PAH: variants seen among roughly 807,000 people sequenced by gnomAD.
The protein encoded by PAH is phenylalanine-4-hydroxylase.
In PAH, 64 loss-of-function variants were observed where a neutral mutation model predicts 62.0. The observed-to-expected ratio is 1.03, with a 90% CI of 0.84 to 1.27. The LOEUF (loss-of-function observed/expected upper bound fraction) is 1.27, where lower values mean the gene tolerates loss of function less well. Among genes scored for constraint, PAH ranks in the 50% most tolerant of loss-of-function variants. The pLI is 0.00. For missense variants in PAH, 579 were observed against 542.8 expected, an observed-to-expected ratio of 1.07 and a Z score of -0.66; for synonymous variants, 195 against 196.2, an observed-to-expected ratio of 0.99 and a Z score of 0.05.
At chr12:102,930,234 A>G (rs189883434) in intron 1 of PAH, among the ~76,000 whole-genome samples, 93 of 152,300 alleles carry the variant, frequency 6.1e-4, no homozygotes, top group Admixed American at 2.2e-3. Context: ...GTATGTGTTT[A>G]CCACCTACTC....
At chr12:102,944,792 AGAT>A in intron 1 of PAH, among the ~76,000 whole-genome samples, 1 of 152,272 alleles carries the variant, frequency 6.6e-6, no homozygotes, top group East Asian at 1.9e-4. Context: ...GTGTTTTTCT[AGAT>A]GATCTTGATA....
chr12:102,865,226 A>AACCCAGCAACCC (rs1875906593), intron 5 of PAH, among the ~76,000 whole-genome samples: 1 of 152,126 alleles, frequency 6.6e-6, no homozygotes, highest in African/African-American at 2.4e-5. Flanking sequence ...AGCAACCCAG[A>AACCCAGCAACCC]AGTAAGTGAA....
intron 9 of PAH, among the ~76,000 whole-genome samples, chr12:102,846,504 T>G (rs1874850240): frequency 6.6e-6 from 1 of 152,162 alleles, no homozygotes; most frequent in African/African-American, 2.4e-5. Context: ...CATTTCTCCC[T>G]CATGTCTGAG....
At chr12:102,923,132 T>C (rs1219886213) in intron 1 of PAH, among the ~76,000 whole-genome samples, 1 of 152,158 alleles carries the variant, frequency 6.6e-6, no homozygotes, top group Non-Finnish European at 1.5e-5. Flanking sequence ...AATCAAGAGG[T>C]CTGCTGAGTC....
At position 102,855,295 on chromosome 12, in the gene PAH, C is replaced by T. The variant is rs199475664; in HGVS notation, c.547G>A (p.Glu183Lys). 1 of 1,614,110 alleles carries T rather than the reference C, an allele frequency of 6.2e-7. No individual in the cohort carries two copies. Among genetic ancestry groups the T allele is most frequent in the East Asian group, 2.2e-5 (1 of 44,872 alleles). The change falls in exon 6 of 13, where the codon GAA becomes AAA. Residue 183 changes from glutamate to lysine, a missense_variant. Glu to Lys is a moderately conservative substitution (Grantham distance 56, BLOSUM62 1). Transcript: ENST00000553106. ...PIPRVEYMEE[E>K]KKTWGTVFKT... is the part of the protein sequence containing the mutation. ...AACACTGTGCCCCATGTTTTCTTTT[C>T]TTCCTCCATGTATTCCACTCGAGGG...
At chr12:102,897,741 C>T (rs1295078186) in intron 2 of PAH, among the ~76,000 whole-genome samples, 1 of 152,086 alleles carries the variant, frequency 6.6e-6, no homozygotes, top group Non-Finnish European at 1.5e-5. Context: ...CCTTGGACTC[C>T]TCTGGATTAC....
chr12:102,915,309 G>C (rs1878341667), intron 1 of PAH: 1 of 152,150 alleles, frequency 6.6e-6, no homozygotes, highest in African/African-American at 2.4e-5. Flanking sequence ...CACAGAAATT[G>C]ATTTGTCCTT....
At chr12:102,844,491 T>G in intron 9 of PAH, 60 bp from the exon 10 acceptor site, 2 of 1,102,126 alleles carry the variant, frequency 1.8e-6, no homozygotes, top group Non-Finnish European at 2.8e-6. Context: ...TGTGTCACCT[T>G]GACTGGATGA....
intron 5 of PAH, among the ~76,000 whole-genome samples, chr12:102,862,238 A>G (rs1160496289): frequency 6.6e-6 from 1 of 152,204 alleles, no homozygotes; most frequent in African/African-American, 2.4e-5. Context: ...AAATGACATC[A>G]TGTCCTTTGC....
rs869088873 is a variant in PAH at position 102,882,642 on chromosome 12, CTATATA to C, written c.353-5098_353-5093del. Among the ~76,000 whole-genome samples the C allele has an allele frequency of 1.0e-3, 87 of 85,864 alleles. 1 individual carries two copies. Among genetic ancestry groups the C allele is most frequent in the Middle Eastern group, 0.011 (2 of 184 alleles). The allele number at this position is 85,864 out of a possible 152,430, so 56.3% of individuals were successfully genotyped here. Reference sequence around the variant, plus strand: ...CTGTATATATATGCATATATATACACTATATATATATATATATATATATATATATAT... The same window carrying C: ...CTGTATATATATGCATATATATACACTATATATATATATATATATATATAT... On this transcript the variant is annotated intron_variant, in intron 3 of 12. Transcript: ENST00000553106.
At chr12:102,932,836 G>A (rs533894429) in intron 1 of PAH, among the ~76,000 whole-genome samples, 1 of 152,138 alleles carries the variant, frequency 6.6e-6, no homozygotes, top group Non-Finnish European at 1.5e-5. Context: ...TTGTGAGTAT[G>A]TAGTAGGTGT....
chr12:102,858,728 G>A (rs1330169608), intron 5 of PAH, among the ~76,000 whole-genome samples: 1 of 152,174 alleles, frequency 6.6e-6, no homozygotes, highest in African/African-American at 2.4e-5. Context: ...TGACTCCTGG[G>A]TACATAACGA....
rs1258710210 is a variant in PAH at position 102,839,187 on chromosome 12, C to G, written c.1347G>C (p.Gln449His). The G allele has an allele frequency of 6.2e-7, 1 of 1,613,854 alleles. No individual in the cohort carries two copies. Among genetic ancestry groups the G allele is most frequent in the East Asian group, 2.2e-5 (1 of 44,886 alleles). Residue 449 changes from glutamine (Q) to histidine (H), a missense_variant, in exon 13 of 13, where the codon CAG becomes CAC. Coordinates refer to ENST00000553106, the MANE Select transcript of PAH (RefSeq NM_000277.3). Reference protein sequence around the residue: ...SEIGILCSALQKIK With the variant: ...SEIGILCSALHKIK Reference sequence around the variant, plus strand: ...TCTGTCCATGGCTTTACTTTATTTTCTGGAGGGCACTGCAAAGGATTCCAA... The same window carrying G: ...TCTGTCCATGGCTTTACTTTATTTTGTGGAGGGCACTGCAAAGGATTCCAA...
chr12:102,942,170 C>A (rs1023446297), intron 1 of PAH, among the ~76,000 whole-genome samples: 14 of 152,100 alleles, frequency 9.2e-5, no homozygotes, highest in African/African-American at 2.4e-5. Flanking sequence ...CAAGAAAACC[C>A]CATTGTGTCT....
chr12:102,843,592 G>C, intron 11 of PAH, 54 bp downstream of exon 11: 1 of 1,602,276 alleles, frequency 6.2e-7, no homozygotes, highest in South Asian at 1.1e-5. Context: ...ACAGATGAGT[G>C]GCACCAGTCA....
At chr12:102,895,867 A>ATAT (rs1490050011) in intron 2 of PAH, among the ~76,000 whole-genome samples, 160 of 126,184 alleles carry the variant, frequency 1.3e-3, no homozygotes, top group African/African-American at 3.4e-3. Context: ...AAAAAAAAAA[A>ATAT]AAATATATAT....
At chr12:102,846,491 C>A (rs1874849419) in intron 9 of PAH, among the ~76,000 whole-genome samples, 1 of 152,118 alleles carries the variant, frequency 6.6e-6, no homozygotes, top group Non-Finnish European at 1.5e-5. Context: ...GAAAGCCCAC[C>A]CCCATTTCTC....
At position 102,913,801 on chromosome 12, in the gene PAH, C is replaced by G. The variant is rs1424615795; in HGVS notation, c.61-903G>C. 5.7e-6 allele frequency: 4 copies of G among 701,960 alleles called. No individual in the cohort carries two copies. In the East Asian group the frequency reaches 8.0e-5, roughly 14 times the overall value. The allele number at this position is 701,960 out of a possible 1,614,324, so 43.5% of individuals were successfully genotyped here. The stretch of plus-strand genomic sequence containing the variant: ...AAGAATGTCCAGGATCTAGCACTTA[C>G]TACATGCATGTGACAGAAAACCAAG... On this transcript the variant is annotated intron_variant, in intron 1 of 12. Coordinates refer to ENST00000553106, the MANE Select transcript of PAH (RefSeq NM_000277.3).
chr12:102,935,129 C>A (rs117619271), intron 1 of PAH, among the ~76,000 whole-genome samples: 16,039 of 152,084 alleles, frequency 0.11, 1,022 homozygotes, highest in East Asian at 0.16. Flanking sequence ...TTATCCAATG[C>A]TTTTTCAGCA....
Sources: allele counts gnomAD v4.1 joint callset (sites outside exome capture counted in the v4.1 genomes callset), GRCh38; gene constraint gnomAD v4.1.1; transcripts MANE v1.5; gene names NCBI Gene and HGNC (gene_info 2026-07-23, HGNC 2026-07-21).